Variants in ASAP3 observed in about 807,000 individuals in gnomAD.
ASAP3 encodes ArfGAP with SH3 domain, ankyrin repeat and PH domain 3, also known as arf-GAP with SH3 domain, ANK repeat and PH domain-containing protein 3.
Under a neutral mutation model 118.2 loss-of-function variants are expected in ASAP3, and 85 were observed. The observed-to-expected ratio is 0.72, with a 90% confidence interval of 0.60 to 0.86. The LOEUF is 0.86. Among genes scored for constraint, ASAP3 ranks in the 40% least tolerant of loss-of-function variants. The probability of loss-of-function intolerance (pLI) is 0.00; values close to 1 mark genes in which losing one functional copy is unlikely to be tolerated. For missense variants in ASAP3, 1,026 were observed against 1,175.0 expected, an observed-to-expected ratio of 0.87 and a Z score of 1.85; for synonymous variants, 432 against 477.4, an observed-to-expected ratio of 0.90 and a Z score of 1.24.
chr1:23,448,863 T>G (rs1460374177), intron 5 of ASAP3, among the ~76,000 whole-genome samples: 1 of 152,194 alleles, frequency 6.6e-6, no homozygotes, highest in Non-Finnish European at 1.5e-5. Context: ...ATGGCTGAGA[T>G]AAGTCATTTG....
At chr1:23,461,674 C>T (rs572049258) in intron 1 of ASAP3, among the ~76,000 whole-genome samples, 1 of 141,550 alleles carries the variant, frequency 7.1e-6, no homozygotes, top group East Asian at 2.0e-4. Flanking sequence ...CGCACCCCCC[C>T]ACAAAAAAAA....
intron 1 of ASAP3, among the ~76,000 whole-genome samples, chr1:23,481,578 G>T (rs867532736): frequency 3.3e-5 from 5 of 152,192 alleles, no homozygotes; most frequent in Non-Finnish European, 7.3e-5. Flanking sequence ...CCTTTCTGTT[G>T]TAACAATGAA....
At chr1:23,480,840 G>C (rs143474765) in intron 1 of ASAP3, among the ~76,000 whole-genome samples, 22 of 152,288 alleles carry the variant, frequency 1.4e-4, no homozygotes, top group African/African-American at 5.3e-4. Flanking sequence ...CCCAAGACAG[G>C]AAGAGGCTGG....
intron 1 of ASAP3, among the ~76,000 whole-genome samples, chr1:23,476,910 T>C (rs1373409431): frequency 6.6e-6 from 1 of 152,124 alleles, no homozygotes; most frequent in Admixed American, 6.5e-5. Context: ...TCAACCAACA[T>C]TTTCTGAAAA....
At chr1:23,434,745 G>T (rs1012850306) in intron 17 of ASAP3, 127 bp from the exon 18 acceptor site, 1 of 824,504 alleles carries the variant, frequency 1.2e-6, no homozygotes, top group African/African-American at 1.7e-5. Context: ...CTGGAGAGAT[G>T]AGACTGCAAG....
intron 7 of ASAP3, 82 bp downstream of exon 7, chr1:23,442,104 T>A (rs1640891899): frequency 2.8e-6 from 4 of 1,419,830 alleles, no homozygotes; most frequent in Non-Finnish European, 3.9e-6. Flanking sequence ...CCAAAGAGAC[T>A]CTCAGGTCTA....
At chr1:23,465,604 C>T (rs904130054) in intron 1 of ASAP3, among the ~76,000 whole-genome samples, 1 of 151,912 alleles carries the variant, frequency 6.6e-6, no homozygotes, top group East Asian at 1.9e-4. Flanking sequence ...TGGGTTCAAG[C>T]GATCCTCCTG....
At chr1:23,449,570 G>A (rs1415476856) in intron 5 of ASAP3, among the ~76,000 whole-genome samples, 2 of 152,128 alleles carry the variant, frequency 1.3e-5, no homozygotes, top group Admixed American at 6.5e-5. Flanking sequence ...TACGGCTCAC[G>A]CATATCTGGC....
At chr1:23,457,459 AG>A (rs1402744738) in intron 1 of ASAP3, among the ~76,000 whole-genome samples, 2 of 152,176 alleles carry the variant, frequency 1.3e-5, no homozygotes, top group Non-Finnish European at 2.9e-5. Context: ...CTCTGGAGGA[AG>A]GGGGGTCTAG....
chr1:23,451,447 CCAGA>C, intron 5 of ASAP3, 28 bp downstream of exon 5: 8 of 1,609,162 alleles, frequency 5.0e-6, no homozygotes, highest in Non-Finnish European at 6.0e-6. Flanking sequence ...TGCTACTCTC[CCAGA>C]CAAACGACCC....
chr1:23,482,094 T>C (rs1259713029), intron 1 of ASAP3, among the ~76,000 whole-genome samples: 2 of 152,218 alleles, frequency 1.3e-5, no homozygotes, highest in African/African-American at 4.8e-5. Flanking sequence ...ACCCCTACTA[T>C]GTGCAAAGTA....
In ASAP3 at chr1:23,436,605, T is replaced by C. The variant is rs1325983637; in HGVS notation, c.1526A>G (p.Gln509Arg). ...TTTAGGGCCGCCGTGTGAGGGTAGCTGGGCCTCCATGACCTCATTGAAGCT... is the reference window on the plus strand; with the variant it reads ...TTTAGGGCCGCCGTGTGAGGGTAGCCGGGCCTCCATGACCTCATTGAAGCT... ...NTSFNEVMEA[Q>R]LPSHGGPKPS... Residue 509 changes from glutamine to arginine, a missense_variant, in exon 16 of 25, where the codon CAG (glutamine) becomes CGG (arginine). Gln to Arg is a conservative substitution (Grantham distance 43, BLOSUM62 1). Transcript: ENST00000336689. This position sits in a 1 kb window ranked among gnomAD's most constrained non-coding sequence, Gnocchi z 4.2. 1.2e-6 allele frequency: 2 copies of C among 1,614,096 alleles called. No homozygotes were observed. Among genetic ancestry groups the C allele is most frequent in the Non-Finnish European group, 1.7e-6 (2 of 1,180,040 alleles).
chr1:23,444,194 CAGAA>C (rs1300256030), intron 5 of ASAP3, among the ~76,000 whole-genome samples: 5 of 152,186 alleles, frequency 3.3e-5, no homozygotes, highest in African/African-American at 9.7e-5. Context: ...TAAGTGGAGA[CAGAA>C]AGCGCTTCCC....
chr1:23,454,359 G>A (rs1283061305), intron 3 of ASAP3, among the ~76,000 whole-genome samples: 2 of 152,034 alleles, frequency 1.3e-5, no homozygotes, highest in Non-Finnish European at 2.9e-5. Context: ...ACTAATTTTT[G>A]TATTTTTTCG....
chr1:23,467,111 G>A (rs369483155), intron 1 of ASAP3, among the ~76,000 whole-genome samples: 19 of 151,916 alleles, frequency 1.3e-4, no homozygotes, highest in South Asian at 1.0e-3. Context: ...TAATCCGCCC[G>A]CCTCAGCCTC....
At chr1:23,475,055 C>T (rs654170) in intron 1 of ASAP3, among the ~76,000 whole-genome samples, 8,335 of 152,246 alleles carry the variant, frequency 0.055, 718 homozygotes, top group African/African-American at 0.18. Flanking sequence ...ATCTGACCTC[C>T]TTCCTATGTC....
intron 17 of ASAP3, 77 bp downstream of exon 17, chr1:23,435,774 T>C: frequency 1.3e-6 from 2 of 1,538,412 alleles, no homozygotes; most frequent in Non-Finnish European, 1.8e-6. Context: ...TGGAGGGGAG[T>C]AACAGCTGGT....
At chr1:23,484,521 A>AGGGCTCTGTCCCGTTTCATC, upstream of ASAP3, 1 of 139,028 alleles carries the variant, frequency 7.2e-6, no homozygotes, top group Non-Finnish European at 1.4e-5. Flanking sequence ...CTGCCCCTTC[A>AGGGCTCTGTCCCGTTTCATC]GGGCTCTGTC....
At chr1:23,479,720 A>T (rs1004286942) in intron 1 of ASAP3, 1 of 152,220 alleles carries the variant, frequency 6.6e-6, no homozygotes, top group Non-Finnish European at 1.5e-5. Flanking sequence ...TTAGGTAAAC[A>T]TTCCCCCAGC....
Sources: allele counts gnomAD v4.1 joint callset (sites outside exome capture counted in the v4.1 genomes callset), GRCh38; gene constraint gnomAD v4.1.1; non-coding constraint Gnocchi (gnomAD v3.1); transcripts MANE v1.5; gene names NCBI Gene and HGNC (gene_info 2026-07-23, HGNC 2026-07-21).